PIK3C2G: variants seen among roughly 807,000 people sequenced by gnomAD.
The protein encoded by PIK3C2G is phosphatidylinositol-4-phosphate 3-kinase catalytic subunit type 2 gamma.
Under a neutral mutation model 181.1 loss-of-function variants are expected in PIK3C2G, and 168 were observed. The observed-to-expected ratio is 0.93, with a 90% CI of 0.82 to 1.05. PIK3C2G has a LOEUF of 1.05. Among genes scored for constraint, PIK3C2G ranks in the 50% least tolerant of loss-of-function variants. The pLI is 0.00. For synonymous variants in PIK3C2G, 573 were observed against 592.2 expected (o/e 0.97, Z 0.47); for missense variants, 1,869 against 1,732.8 (o/e 1.08, Z -1.40).
chr12:18,429,313 G>C (rs1946022281), intron 18 of PIK3C2G, among the ~76,000 whole-genome samples: 1 of 152,146 alleles, frequency 6.6e-6, no homozygotes, highest in Non-Finnish European at 1.5e-5. Context: ...CTTACACCCT[G>C]ATTTTGGACT....
the PIK3C2G span, chr12:18,688,037 C>A: frequency 1.3e-6 from 2 of 1,595,850 alleles, no homozygotes; most frequent in Non-Finnish European, 8.5e-7. Context: ...AATTTGTAAG[C>A]TTTCCAACAA....
At chr12:18,427,232 G>A (rs892925524) in intron 18 of PIK3C2G, among the ~76,000 whole-genome samples, 21 of 151,592 alleles carry the variant, frequency 1.4e-4, no homozygotes, top group Non-Finnish European at 2.5e-4. Flanking sequence ...TTAGGCGGGC[G>A]TGGTGGCTCA....
intron 24 of PIK3C2G, among the ~76,000 whole-genome samples, chr12:18,512,539 T>C (rs929714869): frequency 6.6e-6 from 1 of 151,906 alleles, no homozygotes; most frequent in Non-Finnish European, 1.5e-5. Flanking sequence ...AATTTGCACC[T>C]AAGTATTTGA....
Position 18,448,339 on chromosome 12 carries a change from A to G in PIK3C2G, c.2504+24300A>G, listed in dbSNP as rs76904824. 3.2e-3 allele frequency among the ~76,000 whole-genome samples: 489 copies of G among 152,294 alleles called. 2 individuals are homozygous for G. Among genetic ancestry groups the G allele is most frequent in the African/African-American group, 0.011 (470 of 41,564 alleles). On this transcript the variant is annotated intron_variant, in intron 18 of 32. Coordinates refer to ENST00000538779, the MANE Select transcript of PIK3C2G (RefSeq NM_001288772.2). ...ATGATGTTTTGATGTACATAGTGAA[A>G]TGGTTACTATAGCCAAGCAAATTAA...
At chr12:18,681,856 T>A in the PIK3C2G span, among the ~76,000 whole-genome samples, 1 of 152,032 alleles carries the variant, frequency 6.6e-6, no homozygotes, top group African/African-American at 2.4e-5. Context: ...CACTGCAGAA[T>A]TAATGAACTC....
chr12:18,566,851 C>T (rs1945664244), intron 28 of PIK3C2G, 98 bp from the exon 29 acceptor site: 1 of 708,664 alleles, frequency 1.4e-6, no homozygotes, highest in Non-Finnish European at 2.5e-6. Context: ...TTTTCATTGG[C>T]CCTTCCATCT....
the PIK3C2G span, chr12:18,699,672 G>A: frequency 5.6e-6 from 6 of 1,079,520 alleles, no homozygotes; most frequent in East Asian, 1.5e-4. Context: ...TCTAAATTAT[G>A]TTAAATGTGT....
At chr12:18,649,496 A>G (rs1950325402), downstream of PIK3C2G, among the ~76,000 whole-genome samples, 1 of 152,134 alleles carries the variant, frequency 6.6e-6, no homozygotes, top group African/African-American at 2.4e-5. Context: ...TATGTCTCCC[A>G]TCAAAAAATT....
intron 24 of PIK3C2G, among the ~76,000 whole-genome samples, chr12:18,523,273 C>T (rs921454986): frequency 6.6e-6 from 1 of 152,126 alleles, no homozygotes; most frequent in African/African-American, 2.4e-5. Context: ...TATTAGTTTC[C>T]TTTGGCAGTG....
intron 16 of PIK3C2G, among the ~76,000 whole-genome samples, chr12:18,416,268 A>G (rs1374753969): frequency 6.6e-6 from 1 of 152,034 alleles, no homozygotes; most frequent in Non-Finnish European, 1.5e-5. Flanking sequence ...AAAGAAAAGA[A>G]AAGAAGGAAG....
chr12:18,611,977 C>T (rs1254916114), intron 31 of PIK3C2G, among the ~76,000 whole-genome samples: 1 of 152,044 alleles, frequency 6.6e-6, no homozygotes, highest in Non-Finnish European at 1.5e-5. Context: ...TCCTGTCATT[C>T]CTCTCTTCAT....
chr12:18,715,454 T>C, the PIK3C2G span, among the ~76,000 whole-genome samples: 1 of 151,464 alleles, frequency 6.6e-6, no homozygotes, highest in Non-Finnish European at 1.5e-5. Flanking sequence ...CAGACTGGGG[T>C]GCAGTGGCGC....
intron 26 of PIK3C2G, among the ~76,000 whole-genome samples, chr12:18,552,121 T>C (rs1353300487): frequency 1.3e-5 from 2 of 152,044 alleles, no homozygotes; most frequent in African/African-American, 2.4e-5. Context: ...TTGAAGCCGT[T>C]GGAAATGTGG....
At chr12:18,464,171 T>C (rs1402230100) in intron 18 of PIK3C2G, among the ~76,000 whole-genome samples, 2 of 152,018 alleles carry the variant, frequency 1.3e-5, no homozygotes, top group Non-Finnish European at 2.9e-5. Context: ...TGCCCTAAAG[T>C]ACTGTTATTT....
intron 18 of PIK3C2G, among the ~76,000 whole-genome samples, chr12:18,451,445 G>A (rs1221091926): frequency 6.6e-6 from 1 of 152,242 alleles, no homozygotes; most frequent in Non-Finnish European, 1.5e-5. Flanking sequence ...AGACTTTGCT[G>A]AAGTTGCTTA....
At chr12:18,660,072 C>A in the PIK3C2G span, among the ~76,000 whole-genome samples, 1 of 152,152 alleles carries the variant, frequency 6.6e-6, no homozygotes, top group Non-Finnish European at 1.5e-5. Flanking sequence ...AACAATTACA[C>A]TGACATAATC....
intron 30 of PIK3C2G, among the ~76,000 whole-genome samples, chr12:18,597,203 T>C (rs1386569859): frequency 2.6e-5 from 4 of 151,636 alleles, no homozygotes; most frequent in African/African-American, 4.8e-5. Context: ...AATCGCAACA[T>C]TGAATATAAT....
chr12:18,243,323 T>G (rs188722155), upstream of PIK3C2G, among the ~76,000 whole-genome samples: 1 of 151,762 alleles, frequency 6.6e-6, no homozygotes, highest in Admixed American at 6.6e-5. Context: ...GGGTAAAAAT[T>G]TTTTCAGATA....
At chr12:18,333,857 A>G (rs1476357014) in intron 8 of PIK3C2G, among the ~76,000 whole-genome samples, 1 of 152,182 alleles carries the variant, frequency 6.6e-6, no homozygotes, top group Non-Finnish European at 1.5e-5. Context: ...ATGGCTGTTT[A>G]AATGCATACT....
Sources: gnomAD v4.1 joint callset for allele counts (sites outside exome capture counted in the v4.1 genomes callset) on GRCh38, gnomAD v4.1.1 for gene constraint, MANE v1.5 for transcripts, NCBI Gene and HGNC (gene_info 2026-07-23, HGNC 2026-07-21) for gene names.